VPS13B: variants seen among roughly 807,000 people sequenced by gnomAD.
VPS13B encodes the protein intermembrane lipid transfer protein VPS13B.
A neutral mutation model predicts 426.4 loss-of-function variants in VPS13B; 285 were observed. The observed-to-expected ratio is 0.67, with a 90% CI of 0.61 to 0.74. The LOEUF (loss-of-function observed/expected upper bound fraction) is 0.74, where lower values mean the gene tolerates loss of function less well. Among genes scored for constraint, VPS13B ranks in the 30% least tolerant of loss-of-function variants. VPS13B has a pLI of 0.00. For missense variants in VPS13B, 4,537 were observed against 4,782.6 expected (o/e 0.95, Z 1.51); for synonymous variants, 1,676 against 1,676.4 (o/e 1.00, Z 0.01).
intron 35 of VPS13B, among the ~76,000 whole-genome samples, chr8:99,691,926 A>C (rs1257040039): frequency 1.3e-5 from 2 of 151,412 alleles, no homozygotes; most frequent in Admixed American, 1.3e-4. Context: ...TAAACCAACA[A>C]AGATCAAAAG....
At chr8:99,713,391 A>G (rs2130289478) in intron 36 of VPS13B, among the ~76,000 whole-genome samples, 1 of 152,046 alleles carries the variant, frequency 6.6e-6, no homozygotes, top group East Asian at 1.9e-4. Flanking sequence ...TTTAATTTTG[A>G]CCACTCCAAG....
chr8:99,443,355 A>G (rs1588385760), intron 23 of VPS13B, among the ~76,000 whole-genome samples: 2 of 152,282 alleles, frequency 1.3e-5, no homozygotes, highest in Middle Eastern at 3.4e-3. Context: ...AAATTTCTAC[A>G]TACTGTCACT....
At chr8:99,203,580 T>C (rs190744156) in intron 17 of VPS13B, among the ~76,000 whole-genome samples, 168 of 152,308 alleles carry the variant, frequency 1.1e-3, no homozygotes, top group Non-Finnish European at 1.3e-3. Flanking sequence ...ATTGTCTCTC[T>C]TTGCAGATGA....
chr8:99,457,732 A>G lies in VPS13B; in HGVS notation c.3446-9682A>G, dbSNP rs569217589. 9.9e-5 allele frequency among the ~76,000 whole-genome samples: 15 copies of G among 152,154 alleles called. No individual in the cohort carries two copies. The East Asian group carries it at 1.7e-3, about 18-fold the overall frequency. On this transcript the variant is annotated intron_variant, in intron 23 of 61. Coordinates refer to ENST00000357162, the MANE Select transcript of VPS13B (RefSeq NM_152564.5). ...ATGATGTGGGCATTTAATGCTATAA[A>G]TGTCTTTTTAACCACTACTGAAGCT... is the stretch of plus-strand genomic sequence containing the variant.
chr8:99,843,334 G>C (rs1815807753), intron 54 of VPS13B, among the ~76,000 whole-genome samples: 5 of 151,990 alleles, frequency 3.3e-5, no homozygotes, highest in Admixed American at 3.3e-4. Flanking sequence ...GACTGGCCGG[G>C]TTATTCTGTG....
At chr8:99,623,759 G>C (rs1563830417) in intron 33 of VPS13B, among the ~76,000 whole-genome samples, 1 of 152,080 alleles carries the variant, frequency 6.6e-6, no homozygotes, top group Non-Finnish European at 1.5e-5. Flanking sequence ...TTTTGGCTGA[G>C]ATCAAGTGTA....
In VPS13B at chr8:99,809,341, T is replaced by A. The variant is rs999037129; in HGVS notation, c.7942-34T>A. 2.5e-6 allele frequency: 4 copies of A among 1,613,624 alleles called. No individual in the cohort carries two copies. In the African/African-American group the frequency reaches 5.3e-5, roughly 22 times the overall value. ...TAGGACTAGGTTTTTGTTGGCACGT[T>A]TGGCATTATGACGATTATTGTTTTT... On this transcript the variant is annotated intron_variant, in intron 43 of 61. Coordinates refer to ENST00000357162, the MANE Select transcript of VPS13B (RefSeq NM_152564.5).
intron 29 of VPS13B, among the ~76,000 whole-genome samples, chr8:99,520,200 T>G (rs929080314): frequency 2.6e-5 from 4 of 152,098 alleles, no homozygotes; most frequent in African/African-American, 7.2e-5. Flanking sequence ...AGGTAGAACT[T>G]TTAAAGGGGT....
chr8:99,605,845 G>T (rs761238476), intron 33 of VPS13B, among the ~76,000 whole-genome samples: 1 of 152,118 alleles, frequency 6.6e-6, no homozygotes, highest in Non-Finnish European at 1.5e-5. Flanking sequence ...TCATAAAATG[G>T]CCTGTGCAAG....
chr8:99,380,844 GC>G (rs980260121), intron 19 of VPS13B, among the ~76,000 whole-genome samples: 7 of 149,208 alleles, frequency 4.7e-5, no homozygotes, highest in Non-Finnish European at 1.0e-4. Flanking sequence ...ACTTTTTGTA[GC>G]CCCCTACCAT....
chr8:99,313,168 C>T (rs965628699), intron 19 of VPS13B, among the ~76,000 whole-genome samples: 5 of 152,168 alleles, frequency 3.3e-5, no homozygotes, highest in African/African-American at 9.7e-5. Flanking sequence ...TCTCTCAACT[C>T]GTCAAAGTCG....
intron 17 of VPS13B, among the ~76,000 whole-genome samples, chr8:99,196,619 A>G (rs1465658074): frequency 1.3e-5 from 2 of 151,830 alleles, no homozygotes; most frequent in Non-Finnish European, 2.9e-5. Flanking sequence ...TTTGTATTTT[A>G]GTAGAGACGG....
intron 24 of VPS13B, among the ~76,000 whole-genome samples, chr8:99,475,234 A>C (rs1819628381): frequency 6.6e-6 from 1 of 152,206 alleles, no homozygotes; most frequent in Admixed American, 6.5e-5. Context: ...TGATAGGAAG[A>C]GGACATATTA....
At chr8:99,701,631 C>G (rs1832285364) in intron 36 of VPS13B, among the ~76,000 whole-genome samples, 2 of 152,072 alleles carry the variant, frequency 1.3e-5, no homozygotes, top group African/African-American at 4.8e-5. Flanking sequence ...TCTAGTTAAA[C>G]ACAAAAACAG....
intron 33 of VPS13B, among the ~76,000 whole-genome samples, chr8:99,607,065 G>A (rs772699574): frequency 6.6e-6 from 1 of 152,182 alleles, no homozygotes; most frequent in Non-Finnish European, 1.5e-5. Context: ...CTGCTGCCAT[G>A]TAACCAACAA....
At chr8:99,168,622 A>G (rs1040595159) in intron 15 of VPS13B, among the ~76,000 whole-genome samples, 2 of 152,054 alleles carry the variant, frequency 1.3e-5, no homozygotes, top group African/African-American at 2.4e-5. Context: ...ACAGAAACCA[A>G]CGCAGTACTT....
chr8:99,442,024 T>A lies in VPS13B; in HGVS notation c.3211-377T>A, dbSNP rs1370737380. On this transcript the variant is annotated intron_variant, in intron 22 of 61. Coordinates refer to ENST00000357162, the MANE Select transcript of VPS13B (RefSeq NM_152564.5). ...AAATTCACGTAAAAATAGCCCTTTT[T>A]AAAAAAAGTAACAGCAATAAAATGC... 5.3e-5 allele frequency among the ~76,000 whole-genome samples: 8 copies of A among 152,278 alleles called. No homozygotes were observed. In the East Asian group the frequency reaches 1.2e-3, roughly 22 times the overall value.
intron 2 of VPS13B, among the ~76,000 whole-genome samples, chr8:99,020,779 A>G (rs902757181): frequency 1.3e-5 from 2 of 152,180 alleles, no homozygotes; most frequent in Middle Eastern, 6.3e-3. Flanking sequence ...CTGGGCTCTC[A>G]ATCCTATTCC....
At chr8:99,625,912 T>C (rs779480415) in intron 33 of VPS13B, among the ~76,000 whole-genome samples, 1 of 151,994 alleles carries the variant, frequency 6.6e-6, no homozygotes, top group Non-Finnish European at 1.5e-5. Context: ...AGTCTGTTTA[T>C]GAAAAAGAAG....
Sources: allele counts gnomAD v4.1 joint callset (sites outside exome capture counted in the v4.1 genomes callset), GRCh38; gene constraint gnomAD v4.1.1; transcripts MANE v1.5; gene names NCBI Gene and HGNC (gene_info 2026-07-23, HGNC 2026-07-21).